The following INTS3 variants were observed in gnomAD, a reference collection of about 807,000 sequenced individuals.
The protein encoded by INTS3 is integrator complex subunit 3.
INTS3 carries 34 observed loss-of-function variants against 146.3 expected under a neutral mutation model. The ratio of observed to expected loss-of-function variants is 0.23; its 90% confidence interval spans 0.18 to 0.31. The LOEUF is 0.31. Among genes scored for constraint, INTS3 ranks in the 10% least tolerant of loss-of-function variants. INTS3 has a pLI of 1.00. For synonymous variants in INTS3, 475 were observed against 494.9 expected (o/e 0.96, Z 0.53); for missense variants, 757 against 1,304.2 (o/e 0.58, Z 6.46).
chr1:153,729,072 C>T (rs1443437863), intron 1 of INTS3, among the ~76,000 whole-genome samples: 1 of 152,138 alleles, frequency 6.6e-6, no homozygotes, highest in African/African-American at 2.4e-5. Flanking sequence ...TTTGACATTC[C>T]TTTCGACATA....
chr1:153,731,577 C>CTTTTTTTTTTT lies in INTS3; in HGVS notation c.150+2794_150+2795insTTTTTTTTTTT, dbSNP rs1491428244. Among the ~76,000 whole-genome samples the CTTTTTTTTTTT allele has an allele frequency of 1.5e-5, 2 of 129,230 alleles. 1 individual carries two copies. The highest frequency in any genetic ancestry group is 3.3e-5 in the Non-Finnish European group (2 of 61,472). The allele number at this position is 129,230 out of a possible 152,430, so 84.8% of individuals were successfully genotyped here. On this transcript the variant is annotated intron_variant, in intron 1 of 29. Transcript: ENST00000318967. Reference sequence around the variant, plus strand: ...TGAAAGTGGGAGGCCCAAGAGCGTCCTCTTTTTTTTTTTTTTTTTTTTTGA... The same window carrying CTTTTTTTTTTT: ...TGAAAGTGGGAGGCCCAAGAGCGTCCTTTTTTTTTTTTCTTTTTTTTTTTTTTTTTTTTTGA...
intron 3 of INTS3, 193 bp from the exon 4 acceptor site, chr1:153,746,764 G>T: frequency 1.8e-6 from 1 of 563,598 alleles, no homozygotes; most frequent in Non-Finnish European, 3.2e-6. Context: ...CTGTGTGACA[G>T]AACAAGGGAT....
At chr1:153,752,554 G>A (rs1195567149) in intron 8 of INTS3, 146 bp downstream of exon 8, 1 of 765,060 alleles carries the variant, frequency 1.3e-6, no homozygotes, top group African/African-American at 1.8e-5. Context: ...GCTTTGCCAA[G>A]TACAACTGCG....
At position 153,760,388 on chromosome 1, in the gene INTS3, CGCGT is replaced by C. The variant is rs1279738173; in HGVS notation, c.1316_1317+2del. On this transcript the variant is annotated splice_donor_variant and coding_sequence_variant, in exon 12 of 30. Transcript: ENST00000318967. LOFTEE classifies it high-confidence loss of function. Reference sequence around the variant, plus strand: ...TGCCACACTCCTGGACTTCATGTGCCGCGTAAGTGTTAGAGCTCTCTTTTCTCCC... The same window carrying C: ...TGCCACACTCCTGGACTTCATGTGCCAAGTGTTAGAGCTCTCTTTTCTCCC... The C allele has an allele frequency of 6.2e-7, 1 of 1,612,768 alleles. No individual in the cohort carries two copies. Among genetic ancestry groups the C allele is most frequent in the Non-Finnish European group, 8.5e-7 (1 of 1,178,962 alleles).
At chr1:153,759,744 T>C (rs988216186) in intron 11 of INTS3, 131 bp downstream of exon 11, 4 of 667,658 alleles carry the variant, frequency 6.0e-6, no homozygotes, top group Admixed American at 4.9e-5. Flanking sequence ...AGCTCTGTTG[T>C]TCCTCATCAG....
At chr1:153,769,036 C>A (rs74115713) in intron 22 of INTS3, 75 bp downstream of exon 22, 93,897 of 1,202,032 alleles carry the variant, frequency 0.078, 6,605 homozygotes, top group African/African-American at 0.34. Context: ...GCTCTCCCTC[C>A]AGGCCTGCAG....
chr1:153,742,478 C>CTCTGTGTG lies in INTS3; in HGVS notation c.318+1111_318+1112insCTGTGTGT, dbSNP rs146023592. Reference sequence around the variant, plus strand: ...TCCTCTTGTGTGGGTTTTTTAATCTCTGTGTGTGTGTGTGTGTGTGTGTGT... The same window carrying CTCTGTGTG: ...TCCTCTTGTGTGGGTTTTTTAATCTCTCTGTGTGTGTGTGTGTGTGTGTGTGTGTGTGT... On this transcript the variant is annotated intron_variant, in intron 3 of 29. Coordinates refer to ENST00000318967, the MANE Select transcript of INTS3 (RefSeq NM_023015.5). Among the ~76,000 whole-genome samples, 387 of 147,548 alleles carry CTCTGTGTG rather than the reference C, an allele frequency of 2.6e-3. 3 individuals carry two copies. Among genetic ancestry groups the CTCTGTGTG allele is most frequent in the African/African-American group, 8.0e-3 (317 of 39,762 alleles).
chr1:153,769,118 GGGAAGGAAAAGT>G (rs1672713287), intron 22 of INTS3, among the ~76,000 whole-genome samples, 157 bp downstream of exon 22: 1 of 152,176 alleles, frequency 6.6e-6, no homozygotes, highest in South Asian at 2.1e-4. Flanking sequence ...CATGGGGCCT[GGGAAGGAAAAGT>G]GGAACACAAG....
Position 153,751,141 on chromosome 1 carries a change from A to G in INTS3, c.631A>G (p.Thr211Ala). ...SSILIAMAVY[T>A]YLRLIVDHHG... ...CATCCTCATTGCCATGGCTGTTTAC[A>G]CGTACCTCCGCCTCATCGTGGACCA... Residue 211 changes from threonine (T) to alanine (A), a missense_variant, in exon 7 of 30, where the codon ACG becomes GCG. Transcript: ENST00000318967. The G allele has an allele frequency of 6.2e-7, 1 of 1,614,174 alleles. No individual in the cohort carries two copies. The highest frequency in any genetic ancestry group is 8.5e-7 in the Non-Finnish European group (1 of 1,180,008).
chr1:153,745,303 C>G (rs6682725), intron 3 of INTS3, among the ~76,000 whole-genome samples: 5 of 151,674 alleles, frequency 3.3e-5, no homozygotes, highest in Admixed American at 6.6e-5. Flanking sequence ...ACTACAGGCA[C>G]GTGCCACCAC....
chr1:153,768,294 C>T (rs1672676193), intron 21 of INTS3, among the ~76,000 whole-genome samples: 1 of 152,212 alleles, frequency 6.6e-6, no homozygotes, highest in African/African-American at 2.4e-5. Flanking sequence ...GGTATCGGCC[C>T]TTTCTCCTCT....
Position 153,757,575 on chromosome 1 carries a change from C to T in INTS3, c.961C>T (p.Arg321Ter). ...TKLLFMTSRV[R>*]FGQQKRYQDW... ...TTCTTGCTTCCCCTTTCCCCAGGTG[C>T]GATTTGGTCAACAAAAGCGATACCA... Residue 321 changes from arginine to a stop codon, truncating the protein, a stop_gained, in exon 10 of 30, where the codon CGA (arginine) becomes TGA (stop). Transcript: ENST00000318967. LOFTEE classifies it high-confidence loss of function. This position sits in a 1 kb window ranked among gnomAD's most constrained non-coding sequence, Gnocchi z 4.0. 6.2e-7 allele frequency: 1 copy of T among 1,612,772 alleles called. No homozygotes were observed. Among genetic ancestry groups the T allele is most frequent in the Non-Finnish European group, 8.5e-7 (1 of 1,178,822 alleles).
At position 153,771,526 on chromosome 1, in the gene INTS3, A is replaced by G. The variant is rs552499711; in HGVS notation, c.2553-270A>G. On this transcript the variant is annotated intron_variant, in intron 25 of 29. Coordinates refer to ENST00000318967, the MANE Select transcript of INTS3 (RefSeq NM_023015.5). The stretch of plus-strand genomic sequence containing the variant: ...CCCAGGCCCACTCCCTGACTGTTCT[A>G]GGGGAGGAGGAGGAGAACTGAGGGT... Among the ~76,000 whole-genome samples, 257 of 152,230 alleles carry G rather than the reference A, an allele frequency of 1.7e-3. 4 individuals carry two copies. The highest frequency in any genetic ancestry group is 6.0e-3 in the African/African-American group (248 of 41,550).
At chr1:153,735,874 G>A (rs1054910506) in intron 1 of INTS3, among the ~76,000 whole-genome samples, 1 of 151,974 alleles carries the variant, frequency 6.6e-6, no homozygotes, top group Non-Finnish European at 1.5e-5. Context: ...AGGTGCACAC[G>A]ACCATGCCTG....
intron 19 of INTS3, 104 bp from the exon 20 acceptor site, chr1:153,764,840 G>A: frequency 6.5e-7 from 1 of 1,543,432 alleles, no homozygotes; most frequent in Non-Finnish European, 9.0e-7. Flanking sequence ...CAGGGAGGAG[G>A]ACATATGCTG....
At chr1:153,739,699 C>G (rs1031934622) in intron 1 of INTS3, among the ~76,000 whole-genome samples, 3 of 149,962 alleles carry the variant, frequency 2.0e-5, no homozygotes, top group Admixed American at 1.3e-4. Context: ...GAACTCCTGA[C>G]CTCGGGTGAT....
At chr1:153,767,530 G>A in intron 20 of INTS3, 144 bp from the exon 21 acceptor site, 3 of 697,474 alleles carry the variant, frequency 4.3e-6, no homozygotes, top group Non-Finnish European at 6.6e-6. Context: ...GCCCCTGTGG[G>A]AGGCAGTTGG....
intron 11 of INTS3, 37 bp downstream of exon 11, chr1:153,759,650 C>T (rs1313479037): frequency 1.5e-6 from 2 of 1,297,954 alleles, no homozygotes; most frequent in Non-Finnish European, 2.2e-6. Context: ...ACTTCCCCAT[C>T]CCCCTAAGCC....
In INTS3 at chr1:153,728,391, C is replaced by A. The variant is rs552187232; in HGVS notation, c.-244C>A. ...CACAGGCCTTTACCCCACTGTACTTCGGAGCCAACGCCTTTCCCTCAGCAC... is the reference window on the plus strand; with the variant it reads ...CACAGGCCTTTACCCCACTGTACTTAGGAGCCAACGCCTTTCCCTCAGCAC... On this transcript the variant is annotated 5_prime_UTR_variant, in exon 1 of 30. Transcript: ENST00000318967. The A allele has an allele frequency of 4.3e-5, 21 of 493,216 alleles. No individual in the cohort carries two copies. Among genetic ancestry groups the A allele is most frequent in the Admixed American group, 7.7e-5 (2 of 25,808 alleles). 30.6% of individuals were successfully genotyped at this position (493,216 alleles called of 1,614,324 possible).
Sources: allele counts gnomAD v4.1 joint callset (sites outside exome capture counted in the v4.1 genomes callset), GRCh38; gene constraint gnomAD v4.1.1; non-coding constraint Gnocchi (gnomAD v3.1); transcripts MANE v1.5; gene names NCBI Gene and HGNC (gene_info 2026-07-23, HGNC 2026-07-21).